Variants in ANKAR observed in about 807,000 individuals in gnomAD.
ANKAR encodes the protein ankyrin and armadillo repeat-containing protein.
A neutral mutation model predicts 146.2 loss-of-function variants in ANKAR; 136 were observed. The observed-to-expected ratio is 0.93, with a 90% CI of 0.81 to 1.07. The LOEUF (loss-of-function observed/expected upper bound fraction) is 1.07. Among genes scored for constraint, ANKAR ranks in the 50% least tolerant of loss-of-function variants. The probability of loss-of-function intolerance (pLI) is 0.00; values close to 1 mark genes in which losing one functional copy is unlikely to be tolerated. For missense variants in ANKAR, 1,567 were observed against 1,679.9 expected (o/e 0.93, Z 1.18); for synonymous variants, 500 against 575.8 (o/e 0.87, Z 1.88).
intron 2 of ANKAR, among the ~76,000 whole-genome samples, chr2:189,682,059 A>G (rs1189020237): frequency 6.6e-6 from 1 of 152,102 alleles, no homozygotes; most frequent in East Asian, 1.9e-4. Context: ...CTCTACTATC[A>G]TGTGCCTGGG....
Position 189,720,795 on chromosome 2 carries a change from T to G in ANKAR, c.2635+8T>G. The stretch of plus-strand genomic sequence containing the variant: ...TTCTGAGTTCTGATTCAGGTGAGCT[T>G]CTATCTCTGTATTATTTTATAATGA... On this transcript the variant is annotated splice_region_variant and intron_variant, in intron 12 of 22. Transcript: ENST00000684021. The G allele has an allele frequency of 6.9e-7, 1 of 1,456,724 alleles. No homozygotes were observed. Among genetic ancestry groups the G allele is most frequent in the Non-Finnish European group, 9.0e-7 (1 of 1,105,946 alleles). The allele number at this position is 1,456,724 out of a possible 1,614,324, so 90.2% of individuals were successfully genotyped here. A position where few individuals can be genotyped will look rare whatever the true frequency, so the allele number is the denominator to read the frequency against.
At position 189,725,279 on chromosome 2, in the gene ANKAR, T is replaced by TACACAC. The variant is rs10546393; in HGVS notation, c.2636-2545_2636-2540dup. On this transcript the variant is annotated intron_variant, in intron 12 of 22. Coordinates refer to ENST00000684021, the MANE Select transcript of ANKAR (RefSeq NM_001378068.1). Reference sequence around the variant, plus strand: ...TACATATTTTATATATATGGATTTATACACACACACACACACACACACACA... The same window carrying TACACAC: ...TACATATTTTATATATATGGATTTATACACACACACACACACACACACACACACACA... 9.2e-3 allele frequency among the ~76,000 whole-genome samples: 1,348 copies of TACACAC among 146,552 alleles called. 11 individuals are homozygous for TACACAC. Among genetic ancestry groups the TACACAC allele is most frequent in the African/African-American group, 0.015 (604 of 39,282 alleles).
chr2:189,696,801 T>C (rs2037275883), intron 7 of ANKAR, among the ~76,000 whole-genome samples: 1 of 152,206 alleles, frequency 6.6e-6, no homozygotes, highest in Non-Finnish European at 1.5e-5. Context: ...GCAATAGATA[T>C]GACTGTCAGG....
At chr2:189,726,313 C>A (rs974334111) in intron 12 of ANKAR, among the ~76,000 whole-genome samples, 2 of 152,084 alleles carry the variant, frequency 1.3e-5, no homozygotes, top group African/African-American at 2.4e-5. Flanking sequence ...ATCCCCAGAA[C>A]CTAATGTCAC....
At chr2:189,692,006 C>T (rs1401120317) in intron 3 of ANKAR, among the ~76,000 whole-genome samples, 1 of 152,046 alleles carries the variant, frequency 6.6e-6, no homozygotes, top group Non-Finnish European at 1.5e-5. Flanking sequence ...AAGCGATCCG[C>T]CCCCCTCAGC....
intron 7 of ANKAR, among the ~76,000 whole-genome samples, chr2:189,704,681 A>C (rs1464383235): frequency 6.8e-6 from 1 of 146,858 alleles, no homozygotes; most frequent in Non-Finnish European, 1.5e-5. Context: ...CCATAAGACT[A>C]TTTTACACAT....
intron 2 of ANKAR, among the ~76,000 whole-genome samples, chr2:189,680,641 C>T (rs2034502599): frequency 6.6e-6 from 1 of 151,916 alleles, no homozygotes; most frequent in African/African-American, 2.4e-5. Flanking sequence ...TCACTATTAT[C>T]GTTTGGTTCA....
At chr2:189,742,125 T>C (rs2043395856) in intron 20 of ANKAR, among the ~76,000 whole-genome samples, 1 of 152,188 alleles carries the variant, frequency 6.6e-6, no homozygotes, top group East Asian at 1.9e-4. Flanking sequence ...GCAGTGTTAC[T>C]CCACCTTTAG....
chr2:189,744,714 T>G, intron 21 of ANKAR, 28 bp from the exon 22 acceptor site: 2 of 1,546,772 alleles, frequency 1.3e-6, no homozygotes, highest in Non-Finnish European at 1.8e-6. Context: ...CTTCATTTAT[T>G]TTAATGACAA....
At chr2:189,753,096 G>A in intron 18 of ANKAR, 2 of 927,216 alleles carry the variant, frequency 2.2e-6, no homozygotes, top group Non-Finnish European at 3.1e-6. Context: ...ATTTTGAGAT[G>A]GGTAATGGGC....
At chr2:189,686,857 TAGC>T (rs2035676732) in intron 2 of ANKAR, among the ~76,000 whole-genome samples, 1 of 152,088 alleles carries the variant, frequency 6.6e-6, no homozygotes, top group Non-Finnish European at 1.5e-5. Context: ...TGTGGGTACA[TAGC>T]AGGTATATAT....
chr2:189,699,074 CCA>C (rs997794525), intron 7 of ANKAR, among the ~76,000 whole-genome samples: 30 of 152,156 alleles, frequency 2.0e-4, no homozygotes, highest in Admixed American at 1.2e-3. Flanking sequence ...GTTTTGTTAG[CCA>C]CAGTTTCCTA....
chr2:189,691,431 A>G (rs1218306346), intron 3 of ANKAR, among the ~76,000 whole-genome samples: 2 of 152,136 alleles, frequency 1.3e-5, no homozygotes, highest in Non-Finnish European at 2.9e-5. Flanking sequence ...TTATTTTTAT[A>G]TGTGAGATAT....
intron 17 of ANKAR, among the ~76,000 whole-genome samples, chr2:189,735,000 G>C (rs2042716069): frequency 6.7e-6 from 1 of 149,952 alleles, no homozygotes; most frequent in Admixed American, 6.7e-5. Context: ...ATTTACAGTA[G>C]AGTAAAAAAA....
intron 20 of ANKAR, among the ~76,000 whole-genome samples, chr2:189,742,310 G>A (rs1001426382): frequency 2.6e-5 from 4 of 152,098 alleles, no homozygotes; most frequent in African/African-American, 7.2e-5. Flanking sequence ...CAGAGCAACC[G>A]GATGCCAACA....
At chr2:189,744,894 A>G in intron 22 of ANKAR, 106 bp downstream of exon 22, 1 of 824,414 alleles carries the variant, frequency 1.2e-6, no homozygotes, top group Non-Finnish European at 1.9e-6. Flanking sequence ...ACAGTGGCTC[A>G]TGCCTGTAAT....
At chr2:189,691,217 A>G (rs915342209) in intron 3 of ANKAR, among the ~76,000 whole-genome samples, 2 of 152,072 alleles carry the variant, frequency 1.3e-5, no homozygotes, top group Non-Finnish European at 2.9e-5. Flanking sequence ...CACCATGCCC[A>G]GCTAATTTTT....
chr2:189,705,565 T>C (rs1210747733), intron 8 of ANKAR, among the ~76,000 whole-genome samples: 3 of 152,308 alleles, frequency 2.0e-5, no homozygotes, highest in African/African-American at 7.2e-5. Flanking sequence ...TAACTTTTCA[T>C]GTTAAATGCT....
At chr2:189,742,955 CACACACACACACACACA>C (rs2043571520) in intron 20 of ANKAR, among the ~76,000 whole-genome samples, 1 of 143,752 alleles carries the variant, frequency 7.0e-6, no homozygotes, top group Non-Finnish European at 1.5e-5. Flanking sequence ...CACACACACA[CACACACACACACACACA>C]CACACACACC....
Sources: allele counts gnomAD v4.1 joint callset (sites outside exome capture counted in the v4.1 genomes callset), GRCh38; gene constraint gnomAD v4.1.1; transcripts MANE v1.5; gene names NCBI Gene and HGNC (gene_info 2026-07-23, HGNC 2026-07-21).